Variants in HCN1 observed in about 807,000 individuals in gnomAD.
The protein encoded by HCN1 is potassium/sodium hyperpolarization-activated cyclic nucleotide-gated channel 1.
A neutral mutation model predicts 78.9 loss-of-function variants in HCN1; 13 were observed. The ratio of observed to expected loss-of-function variants is 0.16; its 90% confidence interval spans 0.11 to 0.26. HCN1 has a LOEUF of 0.26. Ranked by LOEUF, HCN1 falls within the 10% of genes least tolerant of loss-of-function variation. HCN1 has a pLI of 1.00. For missense variants in HCN1, 810 were observed against 1,154.3 expected (o/e 0.70, Z 4.32); for synonymous variants, 552 against 455.5 (o/e 1.21, Z -2.70).
At chr5:45,668,868 G>A (rs1363758941) in intron 1 of HCN1, among the ~76,000 whole-genome samples, 5 of 151,814 alleles carry the variant, frequency 3.3e-5, no homozygotes, top group African/African-American at 4.8e-5. Flanking sequence ...TGGTCCACTA[G>A]TATCTTGTTG....
chr5:45,300,316 G>A (rs1208426214), intron 6 of HCN1, among the ~76,000 whole-genome samples: 2 of 151,786 alleles, frequency 1.3e-5, no homozygotes, highest in Admixed American at 6.6e-5. Flanking sequence ...TTTGAGCTAG[G>A]CAAGCCCATT....
chr5:45,642,139 G>A (rs953729844), intron 2 of HCN1: 1 of 152,052 alleles, frequency 6.6e-6, no homozygotes, highest in African/African-American at 2.4e-5. Context: ...AATTGTCTCT[G>A]GTTTTTACCT....
chr5:45,315,349 A>T (rs1056361230), intron 5 of HCN1, among the ~76,000 whole-genome samples: 1 of 152,186 alleles, frequency 6.6e-6, no homozygotes, highest in African/African-American at 2.4e-5. Flanking sequence ...AGAAATAAAG[A>T]TGTCCTTTAA....
intron 5 of HCN1, among the ~76,000 whole-genome samples, chr5:45,324,649 T>C (rs1339131663): frequency 6.6e-6 from 1 of 151,788 alleles, no homozygotes; most frequent in African/African-American, 2.4e-5. Context: ...CACAGACTAA[T>C]AAAACATGGC....
intron 1 of HCN1, among the ~76,000 whole-genome samples, chr5:45,677,256 C>T (rs1739578821): frequency 6.6e-6 from 1 of 151,570 alleles, no homozygotes; most frequent in African/African-American, 2.4e-5. Flanking sequence ...TGGAAGTTCA[C>T]AAAAAAATAG....
At chr5:45,499,037 T>C (rs1391978293) in intron 2 of HCN1, among the ~76,000 whole-genome samples, 1 of 152,094 alleles carries the variant, frequency 6.6e-6, no homozygotes, top group African/African-American at 2.4e-5. Flanking sequence ...CTGTCTTTTT[T>C]TGTCTGTGCC....
chr5:45,377,140 A>G (rs1747698488), intron 4 of HCN1, among the ~76,000 whole-genome samples: 1 of 152,020 alleles, frequency 6.6e-6, no homozygotes, highest in African/African-American at 2.4e-5. Flanking sequence ...TGAAATTCAC[A>G]GAATTAAAAT....
chr5:45,601,042 T>C (rs1244958524), intron 2 of HCN1, among the ~76,000 whole-genome samples: 2 of 151,900 alleles, frequency 1.3e-5, no homozygotes, highest in Admixed American at 6.6e-5. Flanking sequence ...AGAATATATA[T>C]TTTTTTTCCT....
intron 2 of HCN1, among the ~76,000 whole-genome samples, chr5:45,504,355 G>T (rs1034950981): frequency 3.3e-5 from 5 of 151,992 alleles, no homozygotes; most frequent in South Asian, 2.1e-4. Context: ...TCGGTGTTTG[G>T]TTTTTTGTTC....
intron 2 of HCN1, among the ~76,000 whole-genome samples, chr5:45,641,083 C>T (rs1745447020): frequency 6.6e-6 from 1 of 152,084 alleles, no homozygotes. Flanking sequence ...CAATAGGGAG[C>T]CTCTCTAAGT....
Position 45,286,738 on chromosome 5 carries a change from T to C in HCN1, c.1618+16861A>G, listed in dbSNP as rs74907907. ...TGCATACCATTAAAACATTAAGATGTTGTTGTTGATGTGTTTCTCTTGTAA... is the reference window on the plus strand; with the variant it reads ...TGCATACCATTAAAACATTAAGATGCTGTTGTTGATGTGTTTCTCTTGTAA... On this transcript the variant is annotated intron_variant, in intron 6 of 7. Coordinates refer to ENST00000303230, the MANE Select transcript of HCN1 (RefSeq NM_021072.4). Among the ~76,000 whole-genome samples the C allele has an allele frequency of 3.7e-3, 567 of 152,096 alleles. 4 individuals carry two copies. Among genetic ancestry groups the C allele is most frequent in the African/African-American group, 0.013 (548 of 41,536 alleles).
chr5:45,653,499 T>C (rs1272127931), intron 1 of HCN1, among the ~76,000 whole-genome samples: 4 of 152,110 alleles, frequency 2.6e-5, no homozygotes, highest in Non-Finnish European at 5.9e-5. Flanking sequence ...TCTTTATACT[T>C]AAATTGCCTA....
At chr5:45,347,351 C>A (rs1029575294) in intron 5 of HCN1, among the ~76,000 whole-genome samples, 1 of 152,094 alleles carries the variant, frequency 6.6e-6, no homozygotes, top group Admixed American at 6.6e-5. Context: ...GACATCCACA[C>A]CAAAAACCCA....
At chr5:45,460,782 G>A (rs906281208) in intron 3 of HCN1, among the ~76,000 whole-genome samples, 2 of 150,470 alleles carry the variant, frequency 1.3e-5, no homozygotes, top group South Asian at 2.1e-4. Context: ...CATCTTAACT[G>A]TCAATGTAAA....
chr5:45,413,141 C>A (rs987894929), intron 3 of HCN1, among the ~76,000 whole-genome samples: 2 of 151,858 alleles, frequency 1.3e-5, no homozygotes, highest in African/African-American at 4.8e-5. Flanking sequence ...GCGTACAATT[C>A]CATTTGGGGA....
intron 5 of HCN1, among the ~76,000 whole-genome samples, chr5:45,329,776 A>G (rs1243327340): frequency 6.6e-6 from 1 of 151,430 alleles, no homozygotes. Context: ...ATTCAGAGAT[A>G]CCTGTCATCC....
intron 2 of HCN1, among the ~76,000 whole-genome samples, chr5:45,563,521 A>G (rs940856319): frequency 3.3e-5 from 5 of 152,084 alleles, no homozygotes; most frequent in Non-Finnish European, 5.9e-5. Context: ...TCATTTATGA[A>G]TTGAACAATA....
At chr5:45,556,399 G>T (rs1743470534) in intron 2 of HCN1, among the ~76,000 whole-genome samples, 1 of 151,898 alleles carries the variant, frequency 6.6e-6, no homozygotes, top group Non-Finnish European at 1.5e-5. Flanking sequence ...AAATTACCTT[G>T]ATAAGGCCAT....
chr5:45,372,675 T>A (rs1209419526), intron 4 of HCN1, among the ~76,000 whole-genome samples: 1 of 141,008 alleles, frequency 7.1e-6, no homozygotes, highest in Non-Finnish European at 1.5e-5. Context: ...TATAAAAATA[T>A]AAAATATTTA....
Sources: gnomAD v4.1 joint callset for allele counts (sites outside exome capture counted in the v4.1 genomes callset) on GRCh38, gnomAD v4.1.1 for gene constraint, MANE v1.5 for transcripts, NCBI Gene and HGNC (gene_info 2026-07-23, HGNC 2026-07-21) for gene names.